TMEM132B: variants seen among roughly 807,000 people sequenced by gnomAD.
TMEM132B encodes transmembrane protein 132B.
In TMEM132B, 18 loss-of-function variants were observed where a neutral mutation model predicts 90.8. The observed-to-expected ratio is 0.20, with a 90% CI of 0.14 to 0.29. The LOEUF (loss-of-function observed/expected upper bound fraction) is 0.29. Among genes scored for constraint, TMEM132B ranks in the 10% least tolerant of loss-of-function variants. The probability of loss-of-function intolerance (pLI) is 1.00; values close to 1 mark genes in which losing one functional copy is unlikely to be tolerated. For missense variants in TMEM132B, 1,096 were observed against 1,326.8 expected, an observed-to-expected ratio of 0.83 and a Z score of 2.70; for synonymous variants, 504 against 523.3, an observed-to-expected ratio of 0.96 and a Z score of 0.50.
chr12:125,498,267 A>T lies in TMEM132B; in HGVS notation c.1107-21172A>T, dbSNP rs1882608446. ...AAAGGATGATTTAATTTACATGGGA[A>T]TGCTGAGTTGATGGCTAGGTGTTTT... On this transcript the variant is annotated intron_variant, in intron 3 of 8. Transcript: ENST00000682704. This position sits in a 1 kb window ranked among gnomAD's most constrained non-coding sequence, Gnocchi z 4.5. Among the ~76,000 whole-genome samples, 1 of 152,220 alleles carries T rather than the reference A, an allele frequency of 6.6e-6. No individual in the cohort carries two copies. Among genetic ancestry groups the T allele is most frequent in the Non-Finnish European group, 1.5e-5 (1 of 68,028 alleles).
intron 3 of TMEM132B, among the ~76,000 whole-genome samples, chr12:125,496,993 C>T (rs1397205726): frequency 2.0e-5 from 3 of 152,222 alleles, no homozygotes; most frequent in Non-Finnish European, 4.4e-5. Context: ...TTGTAGGTCT[C>T]TAACATGGTT....
At position 125,230,694 on chromosome 12, in the gene TMEM132B, C is replaced by CG. The variant is rs554167599; in HGVS notation, c.67+43832dup. Among the ~76,000 whole-genome samples, 1,126 of 149,646 alleles carry CG rather than the reference C, an allele frequency of 7.5e-3. 10 individuals carry two copies. The highest frequency in any genetic ancestry group is 0.023 in the African/African-American group (950 of 40,592). On this transcript the variant is annotated intron_variant, in intron 1 of 8. Transcript: ENST00000682704. ...TATTTTTTTTTTTTTTCAGTAGAGACGGGGTTTCACCTTGTTAGCTAGGAT... is the reference window on the plus strand; with the variant it reads ...TATTTTTTTTTTTTTTCAGTAGAGACGGGGGTTTCACCTTGTTAGCTAGGAT...
chr12:125,271,974 A>C, intron 1 of TMEM132B, among the ~76,000 whole-genome samples: 1 of 152,210 alleles, frequency 6.6e-6, no homozygotes, highest in Non-Finnish European at 1.5e-5. Flanking sequence ...CTTCAAAATA[A>C]AGACAATGAA....
At chr12:125,648,328 G>A (rs564576370) in intron 6 of TMEM132B, among the ~76,000 whole-genome samples, 100 of 152,118 alleles carry the variant, frequency 6.6e-4, no homozygotes, top group Non-Finnish European at 1.6e-4. Flanking sequence ...GTTAAAAGCG[G>A]TCAGGGTAAT....
At chr12:125,228,884 C>CT (rs1873746862) in intron 1 of TMEM132B, among the ~76,000 whole-genome samples, 1 of 152,192 alleles carries the variant, frequency 6.6e-6, no homozygotes, top group Non-Finnish European at 1.5e-5. Flanking sequence ...ATAGAAGAGC[C>CT]TGTGTACTGG....
chr12:125,321,956 C>A (rs915120545), intron 1 of TMEM132B, among the ~76,000 whole-genome samples: 6 of 152,148 alleles, frequency 3.9e-5, no homozygotes, highest in African/African-American at 1.4e-4. Context: ...CTTTAGGACA[C>A]CCATACAATG....
intron 4 of TMEM132B, among the ~76,000 whole-genome samples, chr12:125,547,204 G>A (rs762316746): frequency 6.6e-6 from 1 of 152,150 alleles, no homozygotes; most frequent in Non-Finnish European, 1.5e-5. Flanking sequence ...GCTTAATTTT[G>A]TAAGAAACTG....
At chr12:125,439,247 A>G (rs1880795166) in intron 3 of TMEM132B, among the ~76,000 whole-genome samples, 1 of 152,046 alleles carries the variant, frequency 6.6e-6, no homozygotes, top group South Asian at 2.1e-4. Flanking sequence ...GAATCTGCAC[A>G]TTGCTCTGGG....
At chr12:125,316,232 T>G (rs1876267895) in intron 1 of TMEM132B, among the ~76,000 whole-genome samples, 1 of 152,128 alleles carries the variant, frequency 6.6e-6, no homozygotes, top group African/African-American at 2.4e-5. Context: ...TAAATCTAAT[T>G]CCTCCTCTAC....
chr12:125,332,973 G>A (rs934463258), intron 1 of TMEM132B, among the ~76,000 whole-genome samples: 6 of 152,198 alleles, frequency 3.9e-5, no homozygotes, highest in African/African-American at 1.4e-4. Flanking sequence ...GTTTCCTGTG[G>A]GTGTTGTAAT....
intron 4 of TMEM132B, among the ~76,000 whole-genome samples, chr12:125,580,318 C>A (rs577490749): frequency 1.4e-4 from 21 of 152,314 alleles, no homozygotes; most frequent in African/African-American, 5.1e-4. Flanking sequence ...CTTCAGGCAG[C>A]TAAAAGTCAA....
intron 5 of TMEM132B, among the ~76,000 whole-genome samples, chr12:125,598,377 C>T (rs951286335): frequency 6.6e-6 from 1 of 152,160 alleles, no homozygotes; most frequent in South Asian, 2.1e-4. Context: ...CCCCAATCCA[C>T]AAAAGTTCAG....
chr12:125,521,619 G>A (rs7311704), intron 4 of TMEM132B, among the ~76,000 whole-genome samples: 4,974 of 152,258 alleles, frequency 0.033, 269 homozygotes, highest in African/African-American at 0.11. Context: ...CAGGCCAGAG[G>A]GTGAGGGTGG....
intron 2 of TMEM132B, among the ~76,000 whole-genome samples, chr12:125,361,450 T>A (rs1055328357): frequency 6.6e-6 from 1 of 152,150 alleles, no homozygotes; most frequent in Non-Finnish European, 1.5e-5. Flanking sequence ...AAAAAAACAG[T>A]CACCTATTTG....
chr12:125,411,721 G>A (rs368590536), intron 2 of TMEM132B, among the ~76,000 whole-genome samples: 1 of 152,028 alleles, frequency 6.6e-6, no homozygotes, highest in East Asian at 1.9e-4. Context: ...CTAGAAATGC[G>A]TTTGTGGTGT....
chr12:125,318,778 G>A (rs965104753), intron 1 of TMEM132B, among the ~76,000 whole-genome samples: 4 of 152,100 alleles, frequency 2.6e-5, no homozygotes, highest in Admixed American at 2.6e-4. Context: ...TGGGCATTTG[G>A]GTTGATTCCA....
At chr12:125,386,667 G>C (rs780710806) in intron 2 of TMEM132B, among the ~76,000 whole-genome samples, 18 of 152,228 alleles carry the variant, frequency 1.2e-4, no homozygotes, top group Non-Finnish European at 2.2e-4. Flanking sequence ...CCAAAGAGCC[G>C]TGGGGAGCTA....
At chr12:125,585,954 T>G (rs1003450601) in intron 5 of TMEM132B, 1 of 152,234 alleles carries the variant, frequency 6.6e-6, no homozygotes, top group Non-Finnish European at 1.5e-5. Context: ...TTGAGGCGAT[T>G]TAATTAAATG....
Position 125,519,545 on chromosome 12 carries a change from G to A in TMEM132B, c.1213G>A (p.Glu405Lys), listed in dbSNP as rs1386882161. The A allele has an allele frequency of 6.2e-7, 1 of 1,614,040 alleles. No homozygotes were observed. Among genetic ancestry groups the A allele is most frequent in the Non-Finnish European group, 8.5e-7 (1 of 1,180,036 alleles). ...QITWQVEYPI[E>K]DSMSELVVSE... ...TACCTGGCAGGTGGAGTACCCGATTGAGGACTCCATGAGTGAGCTGGTCGT... is the reference window on the plus strand; with the variant it reads ...TACCTGGCAGGTGGAGTACCCGATTAAGGACTCCATGAGTGAGCTGGTCGT... Residue 405 changes from glutamate (E) to lysine (K), a missense_variant, in exon 4 of 9, where the codon GAG becomes AAG. Transcript: ENST00000682704.
Sources: allele counts gnomAD v4.1 joint callset (sites outside exome capture counted in the v4.1 genomes callset), GRCh38; gene constraint gnomAD v4.1.1; non-coding constraint Gnocchi (gnomAD v3.1); transcripts MANE v1.5; gene names NCBI Gene and HGNC (gene_info 2026-07-23, HGNC 2026-07-21).